The following CAP2 variants were observed in gnomAD, a reference collection of about 807,000 sequenced individuals.
The protein encoded by CAP2 is adenylyl cyclase-associated protein 2.
A neutral mutation model predicts 57.7 loss-of-function variants in CAP2; 24 were observed. The ratio of observed to expected loss-of-function variants is 0.42; its 90% CI spans 0.30 to 0.58. The LOEUF is 0.58. Ranked by LOEUF, CAP2 falls within the 20% of genes least tolerant of loss-of-function variation. The pLI, the probability that CAP2 is intolerant of heterozygous loss-of-function variation, is 0.22. For synonymous variants in CAP2, 194 were observed against 207.2 expected, an observed-to-expected ratio of 0.94 and a Z score of 0.55; for missense variants, 501 against 590.3, an observed-to-expected ratio of 0.85 and a Z score of 1.57.
At chr6:17,397,260 A>G (rs1234025872) in intron 1 of CAP2, among the ~76,000 whole-genome samples, 4 of 151,812 alleles carry the variant, frequency 2.6e-5, no homozygotes, top group South Asian at 2.1e-4. Context: ...GGGTTTCACC[A>G]TGTTGCCCAG....
Position 17,470,147 on chromosome 6 carries a change from G to T in CAP2, c.300+7074G>T, listed in dbSNP as rs565350505. On this transcript the variant is annotated intron_variant, in intron 4 of 12. Transcript: ENST00000229922. ...ATGCGAGAAAAACGAATTCATCTAT[G>T]TCTTCTAAGTTTGAGAATCTTCTAT... Among the ~76,000 whole-genome samples the T allele has an allele frequency of 2.0e-5, 3 of 152,268 alleles. No individual in the cohort carries two copies. In the East Asian group the frequency reaches 5.8e-4, roughly 29 times the overall value.
At position 17,542,936 on chromosome 6, in the gene CAP2, G is replaced by A. The variant is rs1050673883; in HGVS notation, c.1102G>A (p.Gly368Arg). The A allele has an allele frequency of 8.1e-6, 13 of 1,613,690 alleles. No homozygotes were observed. Among genetic ancestry groups the A allele is most frequent in the African/African-American group, 6.7e-5 (5 of 74,922 alleles). Residue 368 changes from glycine to arginine, a missense_variant, in exon 10 of 13, where the codon GGG becomes AGG. Coordinates refer to ENST00000229922, the MANE Select transcript of CAP2 (RefSeq NM_006366.3). Reference sequence around the variant, plus strand: ...CGAAAAATCAACTATTCAGATAAAAGGGAAAGTAAACTCCATTATAATTGG... The same window carrying A: ...CGAAAAATCAACTATTCAGATAAAAAGGAAAGTAAACTCCATTATAATTGG... ...KCEKSTIQIK[G>R]KVNSIIIDNC...
chr6:17,405,180 G>T lies in CAP2; in HGVS notation c.-2+11434G>T, dbSNP rs909209087. On this transcript the variant is annotated intron_variant, in intron 1 of 12. Coordinates refer to ENST00000229922, the MANE Select transcript of CAP2 (RefSeq NM_006366.3). Reference sequence around the variant, plus strand: ...GGTGGATCACCTGAGGTCAGGATTCGAGATCAGCCTGGCCAACATGGTGAA... The same window carrying T: ...GGTGGATCACCTGAGGTCAGGATTCTAGATCAGCCTGGCCAACATGGTGAA... 2.6e-5 allele frequency among the ~76,000 whole-genome samples: 4 copies of T among 152,100 alleles called. No homozygotes were observed. In the South Asian group the frequency reaches 8.3e-4, roughly 31 times the overall value.
chr6:17,538,706 T>G (rs1762830240), intron 7 of CAP2, among the ~76,000 whole-genome samples: 1 of 152,194 alleles, frequency 6.6e-6, no homozygotes, highest in African/African-American at 2.4e-5. Context: ...AGCATCCCGG[T>G]CACATATGCT....
At chr6:17,503,906 T>G (rs1761904174) in intron 4 of CAP2, among the ~76,000 whole-genome samples, 1 of 152,186 alleles carries the variant, frequency 6.6e-6, no homozygotes, top group South Asian at 2.1e-4. Flanking sequence ...CAGGAAGATA[T>G]TCATGGCTTT....
intron 3 of CAP2, among the ~76,000 whole-genome samples, chr6:17,459,444 G>T (rs1760666126): frequency 6.6e-6 from 1 of 152,178 alleles, no homozygotes; most frequent in Non-Finnish European, 1.5e-5. Context: ...ATTAAAATAT[G>T]TGCAAGATGG....
intron 1 of CAP2, among the ~76,000 whole-genome samples, chr6:17,397,694 C>CAAAAAAAAA (rs554131865): frequency 4.2e-5 from 3 of 70,600 alleles, no homozygotes; most frequent in Admixed American, 1.8e-4. Context: ...GACTCCATAT[C>CAAAAAAAAA]AAAAAAAAAA....
At chr6:17,455,211 T>C (rs1760526573) in intron 3 of CAP2, among the ~76,000 whole-genome samples, 1 of 151,702 alleles carries the variant, frequency 6.6e-6, no homozygotes, top group Admixed American at 6.6e-5. Context: ...GACTCAAGCA[T>C]GAGCACTAAG....
intron 1 of CAP2, among the ~76,000 whole-genome samples, 161 bp downstream of exon 1, chr6:17,393,907 G>A (rs1490307701): frequency 6.7e-6 from 1 of 148,508 alleles, no homozygotes; most frequent in Admixed American, 6.7e-5. Flanking sequence ...GAATAAAGGC[G>A]GCGCGGGCGC....
chr6:17,522,065 C>T (rs113825359), intron 7 of CAP2, among the ~76,000 whole-genome samples: 1,940 of 152,078 alleles, frequency 0.013, 22 homozygotes, highest in Middle Eastern at 0.021. Context: ...GCCTGCATTG[C>T]ACCACGGGAC....
At chr6:17,426,260 T>C (rs1278305131) in intron 2 of CAP2, among the ~76,000 whole-genome samples, 2 of 144,000 alleles carry the variant, frequency 1.4e-5, no homozygotes, top group African/African-American at 5.2e-5. Context: ...TGAGATGGAG[T>C]CTTGCTCTGT....
At chr6:17,532,134 CT>C (rs35428314) in intron 7 of CAP2, among the ~76,000 whole-genome samples, 11,715 of 86,428 alleles carry the variant, frequency 0.14, 152 homozygotes, top group African/African-American at 0.22. Flanking sequence ...GTTTGAAAAT[CT>C]TTTTTTTTTT....
intron 8 of CAP2, 33 bp downstream of exon 8, chr6:17,539,491 C>A (rs755705889): frequency 6.4e-7 from 1 of 1,558,256 alleles, no homozygotes; most frequent in Non-Finnish European, 8.8e-7. Context: ...GAAGCTGCCT[C>A]CCTTTCCCTC....
intron 3 of CAP2, among the ~76,000 whole-genome samples, chr6:17,462,738 CTTT>C (rs1385105747): frequency 2.0e-5 from 3 of 152,152 alleles, no homozygotes; most frequent in Admixed American, 6.5e-5. Context: ...TACCTTGTCT[CTTT>C]TTCATGCTGA....
intron 3 of CAP2, among the ~76,000 whole-genome samples, chr6:17,432,644 C>T (rs973031687): frequency 2.6e-5 from 4 of 152,162 alleles, no homozygotes; most frequent in Admixed American, 2.0e-4. Flanking sequence ...CTGGCTTAGC[C>T]ATTAATGATA....
Position 17,542,849 on chromosome 6 carries a change from G to T in CAP2, c.1015G>T (p.Asp339Tyr). 6.2e-7 allele frequency: 1 copy of T among 1,611,702 alleles called. No homozygotes were observed. Among genetic ancestry groups the T allele is most frequent in the Non-Finnish European group, 8.5e-7 (1 of 1,178,302 alleles). ...GKKWRVEYQE[D>Y]RNDLVISETE... ...GTCTTAATTCTAGGAGTACCAAGAG[G>T]ACAGGAATGACCTTGTGATTTCAGA... The change falls in exon 10 of 13, where the codon GAC becomes TAC. Residue 339 changes from aspartate to tyrosine, a missense_variant. Asp to Tyr is a radical substitution (Grantham distance 160). Coordinates refer to ENST00000229922, the MANE Select transcript of CAP2 (RefSeq NM_006366.3).
chr6:17,451,311 G>A (rs1279722381), intron 3 of CAP2, among the ~76,000 whole-genome samples: 1 of 151,758 alleles, frequency 6.6e-6, no homozygotes, highest in Admixed American at 6.6e-5. Flanking sequence ...TTGTCAAGCT[G>A]AGCAAATGGG....
intron 4 of CAP2, among the ~76,000 whole-genome samples, chr6:17,505,980 T>C (rs1260277768): frequency 6.6e-6 from 1 of 152,178 alleles, no homozygotes; most frequent in Non-Finnish European, 1.5e-5. Flanking sequence ...GCATCTCAAA[T>C]TCCTGGGTAA....
chr6:17,476,795 G>A (rs1053842796), intron 4 of CAP2, among the ~76,000 whole-genome samples: 2 of 151,000 alleles, frequency 1.3e-5, no homozygotes, highest in Admixed American at 6.6e-5. Flanking sequence ...AGCTGATCAT[G>A]TGGCTATGCA....
Sources: gnomAD v4.1 joint callset for allele counts (sites outside exome capture counted in the v4.1 genomes callset) on GRCh38, gnomAD v4.1.1 for gene constraint, MANE v1.5 for transcripts, NCBI Gene and HGNC (gene_info 2026-07-23, HGNC 2026-07-21) for gene names.